The following ZNF85 variants were observed in gnomAD, a reference collection of about 807,000 sequenced individuals.
ZNF85 encodes the protein zinc finger protein 85 (HPF4, HTF1).
A neutral mutation model predicts 53.9 loss-of-function variants in ZNF85; 50 were observed. The observed-to-expected ratio is 0.93, with a 90% CI of 0.74 to 1.17. The LOEUF is 1.17. ZNF85 is among the 50% of genes most tolerant of loss of function. The pLI, the probability that ZNF85 is intolerant of heterozygous loss-of-function variation, is 0.00. For synonymous variants in ZNF85, 225 were observed against 226.1 expected (o/e 1.00, Z 0.04); for missense variants, 747 against 688.5 (o/e 1.08, Z -0.95).
Position 20,950,006 on chromosome 19 carries a change from AC to A in ZNF85, c.1493del (p.Thr498IlefsTer5). The A allele has an allele frequency of 1.2e-6, 2 of 1,613,046 alleles. No homozygotes were observed. Among genetic ancestry groups the A allele is most frequent in the Non-Finnish European group, 1.7e-6 (2 of 1,179,680 alleles). On this transcript the variant is annotated frameshift_variant, in exon 4 of 4. Transcript: ENST00000328178. LOFTEE classifies it high-confidence loss of function. Reference protein sequence around the residue: ...GKGFKWPSTLTIHKIIHTGEK... With the variant: ...GKGFKWPSTLXIHKIIHTGEK... ...AGGTTTTAAATGGCCCTCAACCCTT[AC>A]TATCCATAAGATAATTCATACTGGA...
chr19:20,938,882 A>G (rs12162240), intron 3 of ZNF85, among the ~76,000 whole-genome samples: 16,952 of 146,946 alleles, frequency 0.12, 986 homozygotes, highest in Middle Eastern at 0.15. Context: ...GTGTGTATAT[A>G]TATGTGTGTG....
At chr19:20,931,214 T>C (rs1973009648) in intron 1 of ZNF85, among the ~76,000 whole-genome samples, 1 of 152,190 alleles carries the variant, frequency 6.6e-6, no homozygotes, top group South Asian at 2.1e-4. Flanking sequence ...ACAGGGTTGT[T>C]ACCTATTCAT....
At chr19:20,938,846 C>CTA (rs145129271) in intron 3 of ZNF85, among the ~76,000 whole-genome samples, 53,039 of 142,638 alleles carry the variant, frequency 0.37, 9,801 homozygotes, top group Non-Finnish European at 0.43. Context: ...CCATATTCTG[C>CTA]TATATGTGTG....
At chr19:20,926,071 C>T (rs1423352650) in intron 1 of ZNF85, among the ~76,000 whole-genome samples, 6 of 152,042 alleles carry the variant, frequency 3.9e-5, no homozygotes, top group Non-Finnish European at 7.4e-5. Context: ...AATTCCAAGG[C>T]TTAGCTTTTA....
At chr19:20,924,190 G>A (rs1677917694) in intron 1 of ZNF85, among the ~76,000 whole-genome samples, 2 of 152,030 alleles carry the variant, frequency 1.3e-5, no homozygotes, top group Non-Finnish European at 2.9e-5. Flanking sequence ...GTAGTTTGTG[G>A]TCCATGGGAG....
intron 3 of ZNF85, among the ~76,000 whole-genome samples, chr19:20,938,055 C>T (rs1973200326): frequency 6.6e-6 from 1 of 152,100 alleles, no homozygotes; most frequent in Admixed American, 6.5e-5. Flanking sequence ...TGGGGTCTTG[C>T]TTCAGAACCC....
intron 1 of ZNF85, among the ~76,000 whole-genome samples, chr19:20,929,733 C>T (rs1482737917): frequency 6.6e-6 from 1 of 152,172 alleles, no homozygotes; most frequent in Non-Finnish European, 1.5e-5. Flanking sequence ...GGTCCTCTCC[C>T]TGCCCCAGTT....
intron 3 of ZNF85, among the ~76,000 whole-genome samples, chr19:20,948,357 A>G (rs1302395084): frequency 6.6e-6 from 1 of 152,122 alleles, no homozygotes; most frequent in Non-Finnish European, 1.5e-5. Context: ...AGAAACCAGA[A>G]ATAAAAATGT....
intron 3 of ZNF85, chr19:20,944,242 T>A (rs571364633): frequency 6.6e-6 from 1 of 151,440 alleles, no homozygotes; most frequent in Admixed American, 6.6e-5. Flanking sequence ...CTTTTTTATT[T>A]TGTATGCAGT....
At chr19:20,941,066 A>T (rs977553555) in intron 3 of ZNF85, among the ~76,000 whole-genome samples, 2 of 151,996 alleles carry the variant, frequency 1.3e-5, no homozygotes, top group Non-Finnish European at 2.9e-5. Flanking sequence ...TATCTGAGGA[A>T]CATTTATAAC....
At chr19:20,937,207 A>G (rs1973180053) in intron 3 of ZNF85, 3 of 396,008 alleles carry the variant, frequency 7.6e-6, no homozygotes, top group Non-Finnish European at 1.0e-5. Context: ...AATTTTTTGT[A>G]TTTTAGTAGA....
intron 1 of ZNF85, 31 bp downstream of exon 1, chr19:20,923,434 G>A (rs199758079): frequency 2.5e-6 from 4 of 1,613,818 alleles, no homozygotes; most frequent in African/African-American, 2.7e-5. Context: ...ATCCCGAGGG[G>A]GAAAGGGGTT....
intron 3 of ZNF85, among the ~76,000 whole-genome samples, chr19:20,942,115 T>C (rs1973311412): frequency 6.6e-6 from 1 of 152,070 alleles, no homozygotes; most frequent in African/African-American, 2.4e-5. Flanking sequence ...TTATCTGTTT[T>C]TGTGTCAGTA....
intron 1 of ZNF85, among the ~76,000 whole-genome samples, chr19:20,931,123 G>C (rs1385944533): frequency 6.6e-6 from 1 of 152,164 alleles, no homozygotes; most frequent in Non-Finnish European, 1.5e-5. Flanking sequence ...TGTGACAAGA[G>C]TGCTGAGTGT....
intron 1 of ZNF85, chr19:20,927,466 ATTTTAT>A (rs1254623345): frequency 6.6e-6 from 1 of 151,100 alleles, no homozygotes; most frequent in Non-Finnish European, 1.5e-5. Context: ...AAAAAAAAGT[ATTTTAT>A]TTAGACCAGT....
rs900493128 is a variant in ZNF85, at chr19:20,936,967, T to C, written c.229+1920T>C. 3.3e-5 allele frequency: 6 copies of C among 183,526 alleles called. No homozygotes were observed. The Admixed American group carries it at 3.6e-4, about 11-fold the overall frequency. The allele number at this position is 183,526 out of a possible 1,614,324, so 11.4% of individuals were successfully genotyped here. On this transcript the variant is annotated intron_variant, in intron 3 of 3. Coordinates refer to ENST00000328178, the MANE Select transcript of ZNF85 (RefSeq NM_003429.5). ...CACAATATAGTTTTGCATTGGTGTA[T>C]ATGAATTTGAATGAGCAAACAGCTC... is the stretch of plus-strand genomic sequence containing the variant.
At chr19:20,947,590 GTAA>G (rs1030516333) in intron 3 of ZNF85, among the ~76,000 whole-genome samples, 12 of 128,220 alleles carry the variant, frequency 9.4e-5, no homozygotes, top group African/African-American at 3.2e-4. Context: ...AAATTTACTA[GTAA>G]TCTCATAAGA....
In ZNF85 at chr19:20,950,072, A is replaced by C; in HGVS notation, c.1558A>C (p.Asn520His). The change falls in exon 4 of 4, where the codon AAC becomes CAC. Residue 520 changes from asparagine to histidine, a missense_variant. Physicochemically the swap from Asn to His is moderately conservative, Grantham distance 68 (BLOSUM62 1). Coordinates refer to ENST00000328178, the MANE Select transcript of ZNF85 (RefSeq NM_003429.5). The stretch of plus-strand genomic sequence containing the variant: ...ATGTGAAGAATGTGGCAAAGCTTTT[A>C]ACCAATCCTCAAAACTTACCAAACA... The part of the protein sequence containing the change: ...YKCEECGKAF[N>H]QSSKLTKHKK... The C allele has an allele frequency of 6.2e-7, 1 of 1,613,268 alleles. No homozygotes were observed. Among genetic ancestry groups the C allele is most frequent in the Non-Finnish European group, 8.5e-7 (1 of 1,179,784 alleles).
At chr19:20,925,865 T>TA (rs1972869141) in intron 1 of ZNF85, among the ~76,000 whole-genome samples, 1 of 152,242 alleles carries the variant, frequency 6.6e-6, no homozygotes, top group African/African-American at 2.4e-5. Flanking sequence ...TTCTTTTAAT[T>TA]GTAAATTGCA....
Sources: allele counts gnomAD v4.1 joint callset (sites outside exome capture counted in the v4.1 genomes callset), GRCh38; gene constraint gnomAD v4.1.1; transcripts MANE v1.5; gene names NCBI Gene and HGNC (gene_info 2026-07-23, HGNC 2026-07-21).